Variants in PFKFB3 observed in about 807,000 individuals in gnomAD.
PFKFB3 encodes 6-phosphofructo-2-kinase/fructose-2,6-bisphosphatase 3.
In PFKFB3, 33 loss-of-function variants were observed where a neutral mutation model predicts 68.0. That is an observed-to-expected ratio of 0.49 (90% CI 0.37 to 0.65). The LOEUF is 0.65. Among genes scored for constraint, PFKFB3 ranks in the 30% least tolerant of loss-of-function variants. The pLI, the probability that PFKFB3 is intolerant of heterozygous loss-of-function variation, is 0.00. For synonymous variants in PFKFB3, 315 were observed against 288.2 expected (o/e 1.09, Z -0.94); for missense variants, 586 against 712.2 (o/e 0.82, Z 2.02).
At chr10:6,284,722 A>G in the PFKFB3 span, among the ~76,000 whole-genome samples, 28 of 152,282 alleles carry the variant, frequency 1.8e-4, no homozygotes, top group Non-Finnish European at 3.5e-4. Flanking sequence ...AACTCACTGA[A>G]CTGTAACTCC....
chr10:6,200,024 AC>A (rs371714381), upstream of PFKFB3, among the ~76,000 whole-genome samples: 4 of 148,094 alleles, frequency 2.7e-5, no homozygotes, highest in African/African-American at 1.0e-4. Context: ...GAAGGGAAAA[AC>A]AAAAACAAAC....
intron 1 of PFKFB3, among the ~76,000 whole-genome samples, chr10:6,191,577 G>GC (rs950739080): frequency 2.6e-5 from 4 of 152,102 alleles, no homozygotes; most frequent in Admixed American, 6.5e-5. Flanking sequence ...GGGGGCTCGG[G>GC]CCCCCCCTAG....
chr10:6,307,367 A>T, the PFKFB3 span, among the ~76,000 whole-genome samples: 2 of 133,490 alleles, frequency 1.5e-5, no homozygotes, highest in Admixed American at 7.6e-5. Context: ...ACACACACAC[A>T]CTCACCCTAC....
At chr10:6,152,717 T>C (rs1841632792) in intron 1 of PFKFB3, among the ~76,000 whole-genome samples, 2 of 148,184 alleles carry the variant, frequency 1.3e-5, no homozygotes, top group African/African-American at 5.0e-5. Context: ...TCCCTACAAA[T>C]AAAAAATTAA....
chr10:6,224,255 G>C (rs748078234), intron 13 of PFKFB3, 42 bp downstream of exon 13: 4 of 1,593,162 alleles, frequency 2.5e-6, no homozygotes, highest in Non-Finnish European at 3.4e-6. Context: ...ATCATCACAC[G>C]ATAGCCCTAG....
In PFKFB3 at chr10:6,202,967, G is replaced by A. The variant is rs920150382; in HGVS notation, c.-294G>A. The stretch of plus-strand genomic sequence containing the variant: ...GAGAGGAGGCGAGCAGCAGGGCCTG[G>A]TGGCGAGAGCGCGGCTGTCACTGCG... On this transcript the variant is annotated 5_prime_UTR_variant, in exon 1 of 15. In the 5' UTR this introduces an upstream ATG that the reference lacks. Transcript: ENST00000379775. 5 of 1,288,754 alleles carry A rather than the reference G, an allele frequency of 3.9e-6. No individual in the cohort carries two copies. Among genetic ancestry groups the A allele is most frequent in the Admixed American group, 4.2e-5 (1 of 24,094 alleles). 79.8% of individuals were successfully genotyped at this position (1,288,754 alleles called of 1,614,324 possible).
intron 1 of PFKFB3, among the ~76,000 whole-genome samples, chr10:6,148,019 G>T (rs115995823): frequency 6.6e-6 from 1 of 152,266 alleles, no homozygotes; most frequent in Non-Finnish European, 1.5e-5. Flanking sequence ...TTATGGGAAA[G>T]ATGAGTGGTT....
In PFKFB3 at chr10:6,179,528, C is replaced by A. The variant is rs548712544; in HGVS notation, c.17-34095C>A. ...TCACTCAGGCGTTTCCCTAGCGAGC[C>A]CCCCGGGAATGAACAGAAGGGTTTC... On this transcript the variant is annotated intron_variant, in intron 1 of 14. Coordinates refer to the PFKFB3 transcript ENST00000379789. 7.9e-4 allele frequency among the ~76,000 whole-genome samples: 120 copies of A among 152,244 alleles called. 1 individual carries two copies. The highest frequency in any genetic ancestry group is 2.7e-3 in the African/African-American group (111 of 41,556).
intron 13 of PFKFB3, chr10:6,225,357 G>A: frequency 2.6e-6 from 1 of 382,866 alleles, no homozygotes; most frequent in South Asian, 1.9e-5. Context: ...CCTGAGAGAG[G>A]CTGGGGTCCC....
the PFKFB3 span, among the ~76,000 whole-genome samples, chr10:6,285,641 T>C: frequency 6.6e-6 from 1 of 152,372 alleles, no homozygotes; most frequent in Admixed American, 6.5e-5. Context: ...GGTACAATGT[T>C]ATGCAGAAGA....
At chr10:6,237,561 C>T (rs945781721), downstream of PFKFB3, among the ~76,000 whole-genome samples, 23 of 152,196 alleles carry the variant, frequency 1.5e-4, no homozygotes, top group East Asian at 1.9e-4. Context: ...TTTCACAATA[C>T]TTGTGAGTTC....
chr10:6,146,312 T>TATCA, intron 1 of PFKFB3: 1 of 1,519,560 alleles, frequency 6.6e-7, no homozygotes, highest in Non-Finnish European at 8.8e-7. Flanking sequence ...GGTGCCTAGG[T>TATCA]ATCAGCGTGG....
the PFKFB3 span, among the ~76,000 whole-genome samples, chr10:6,312,689 G>C: frequency 5.8e-4 from 88 of 152,296 alleles, no homozygotes; most frequent in Admixed American, 4.0e-3. Context: ...CACATTAGCA[G>C]ATTTTTATTA....
At chr10:6,275,903 T>G in the PFKFB3 span, among the ~76,000 whole-genome samples, 2 of 151,986 alleles carry the variant, frequency 1.3e-5, no homozygotes, top group Non-Finnish European at 2.9e-5. The surrounding 1 kb of genome is among the most constrained non-coding windows in gnomAD (Gnocchi z 4.9). Flanking sequence ...ATGTGGAGGG[T>G]GGTGCTCCCT....
At chr10:6,289,961 A>T in the PFKFB3 span, among the ~76,000 whole-genome samples, 1 of 151,986 alleles carries the variant, frequency 6.6e-6, no homozygotes, top group Non-Finnish European at 1.5e-5. Flanking sequence ...ATTCTCTTTG[A>T]AGCAATCGTG....
chr10:6,205,685 G>A (rs578210050), intron 1 of PFKFB3, among the ~76,000 whole-genome samples: 202 of 152,236 alleles, frequency 1.3e-3, no homozygotes, highest in African/African-American at 4.8e-3. Flanking sequence ...GAGCCACCAC[G>A]CCCAGCTGGG....
intron 14 of PFKFB3, among the ~76,000 whole-genome samples, chr10:6,253,757 G>A (rs1047811934): frequency 1.3e-5 from 2 of 151,998 alleles, no homozygotes; most frequent in Non-Finnish European, 2.9e-5. Flanking sequence ...AAGGTGATAT[G>A]CTGGCTGGGC....
At chr10:6,164,563 A>G (rs1842072539) in intron 1 of PFKFB3, among the ~76,000 whole-genome samples, 1 of 152,158 alleles carries the variant, frequency 6.6e-6, no homozygotes, top group Non-Finnish European at 1.5e-5. Flanking sequence ...AATAAGACAC[A>G]AAGTATAAAG....
chr10:6,214,905 C>G (rs1458779079), intron 2 of PFKFB3, among the ~76,000 whole-genome samples: 1 of 152,246 alleles, frequency 6.6e-6, no homozygotes, highest in Admixed American at 6.5e-5. Flanking sequence ...CCTCCCCCCA[C>G]CCATCCTCAC....
Sources: allele counts gnomAD v4.1 joint callset (sites outside exome capture counted in the v4.1 genomes callset), GRCh38; gene constraint gnomAD v4.1.1; non-coding constraint Gnocchi (gnomAD v3.1); transcripts MANE v1.5; gene names NCBI Gene and HGNC (gene_info 2026-07-23, HGNC 2026-07-21).